Variants in GLB1L3 observed in about 807,000 individuals in gnomAD.
GLB1L3 encodes the protein galactosidase beta 1 like 3.
A neutral mutation model predicts 89.5 loss-of-function variants in GLB1L3; 89 were observed. The observed-to-expected ratio is 0.99, with a 90% CI of 0.84 to 1.19. The LOEUF (loss-of-function observed/expected upper bound fraction) is 1.19. Ranked by LOEUF, GLB1L3 falls within the 50% of genes most tolerant of loss-of-function variation. GLB1L3 has a pLI of 0.00. For synonymous variants in GLB1L3, 314 were observed against 312.3 expected (o/e 1.01, Z -0.06); for missense variants, 812 against 813.3 (o/e 1.00, Z 0.02).
rs926750995 is a variant in GLB1L3 at position 134,300,083 on chromosome 11, A to G, written c.876+6874A>G. Among the ~76,000 whole-genome samples, 5 of 152,174 alleles carry G rather than the reference A, an allele frequency of 3.3e-5. No individual in the cohort carries two copies. The South Asian group carries it at 8.3e-4, about 25-fold the overall frequency. ...GTTACTTTGTTAGGGTTGCCATAGC[A>G]AAGGACCATAGACTGTGTGGCTTAA... On this transcript the variant is annotated intron_variant, in intron 9 of 19. Transcript: ENST00000431683.
At chr11:134,303,506 G>A (rs1942044826) in intron 9 of GLB1L3, among the ~76,000 whole-genome samples, 1 of 152,112 alleles carries the variant, frequency 6.6e-6, no homozygotes, top group Admixed American at 6.5e-5. Context: ...TACAGAGTCT[G>A]ATTTTATCTT....
At chr11:134,295,328 TGTA>T (rs1161355261) in intron 9 of GLB1L3, among the ~76,000 whole-genome samples, 1 of 152,216 alleles carries the variant, frequency 6.6e-6, no homozygotes, top group Non-Finnish European at 1.5e-5. Context: ...TTGGGTGAGT[TGTA>T]GTAATTTACA....
At position 134,312,427 on chromosome 11, in the gene GLB1L3, C is replaced by T. The variant is rs1276099428; in HGVS notation, c.1366C>T (p.Leu456=). The T allele has an allele frequency of 6.2e-7, 1 of 1,613,622 alleles. No homozygotes were observed. Among genetic ancestry groups the T allele is most frequent in the Non-Finnish European group, 8.5e-7 (1 of 1,179,882 alleles). ...GAGCGGCCAGTCCTACGGGCTTGTC[C>T]TGTATGAGAAGTCCATCTGCTCCGG... ...NGSGQSYGLV[L]YEKSICSGGR... The change falls in exon 14 of 20, where the codon CTG becomes TTG. Residue 456 remains leucine, a synonymous_variant. Coordinates refer to ENST00000431683, the MANE Select transcript of GLB1L3 (RefSeq NM_001080407.3).
At chr11:134,309,131 G>A (rs993908306) in intron 10 of GLB1L3, among the ~76,000 whole-genome samples, 3 of 152,130 alleles carry the variant, frequency 2.0e-5, no homozygotes, top group Non-Finnish European at 4.4e-5. Flanking sequence ...AGGAAAATTA[G>A]ATATTTAAGT....
chr11:134,298,041 G>A (rs1941749992), intron 9 of GLB1L3, among the ~76,000 whole-genome samples: 1 of 151,634 alleles, frequency 6.6e-6, no homozygotes, highest in African/African-American at 2.4e-5. Context: ...CATGGTTTCT[G>A]ATGAGAAGTC....
At chr11:134,309,944 A>C (rs1053866703) in intron 11 of GLB1L3, 181 bp downstream of exon 11, 2 of 671,868 alleles carry the variant, frequency 3.0e-6, no homozygotes, top group Admixed American at 5.9e-5. Context: ...ACAGGCTGTC[A>C]TTGCAGTAGA....
At chr11:134,279,359 T>C (rs1940555915) in intron 3 of GLB1L3, among the ~76,000 whole-genome samples, 1 of 133,160 alleles carries the variant, frequency 7.5e-6, no homozygotes, top group African/African-American at 2.9e-5. Context: ...TTCTGTTTTC[T>C]TTTTCTTTTT....
At chr11:134,286,354 G>A (rs988910356) in intron 6 of GLB1L3, among the ~76,000 whole-genome samples, 1 of 152,218 alleles carries the variant, frequency 6.6e-6, no homozygotes, top group African/African-American at 2.4e-5. Flanking sequence ...CCTGTCTTTA[G>A]GATTAAACTC....
intron 10 of GLB1L3, 25 bp from the exon 11 acceptor site, chr11:134,309,601 T>C: frequency 6.5e-7 from 1 of 1,545,196 alleles, no homozygotes; most frequent in East Asian, 2.3e-5. Flanking sequence ...TAACATTCTC[T>C]GTGTTCTCAT....
Position 134,288,897 on chromosome 11 carries a change from G to C in GLB1L3, c.729+7G>C, listed in dbSNP as rs779294635. On this transcript the variant is annotated splice_region_variant and intron_variant, in intron 7 of 19. Coordinates refer to ENST00000431683, the MANE Select transcript of GLB1L3 (RefSeq NM_001080407.3). ...CATGCCGTATCTCCACAAGGTAAGA[G>C]GGCCTTGGTTTGGCCCCATGTTTAC... The C allele has an allele frequency of 1.9e-6, 3 of 1,601,656 alleles. No individual in the cohort carries two copies. The highest frequency in any genetic ancestry group is 2.6e-6 in the Non-Finnish European group (3 of 1,171,594).
Position 134,311,123 on chromosome 11 carries a change from C to A in GLB1L3, c.1240C>A (p.Pro414Thr), listed in dbSNP as rs1442630362. 1 of 1,613,914 alleles carries A rather than the reference C, an allele frequency of 6.2e-7. No individual in the cohort carries two copies. The highest frequency in any genetic ancestry group is 2.2e-5 in the East Asian group (1 of 44,864). ...PPKAVYPPVR[P>T]SLYLPLWDAL... ...CAAGGCTGTGTATCCCCCCGTGAGA[C>A]CGTCGCTGTACCTCCCGCTGTGGGA... Residue 414 changes from proline to threonine, a missense_variant, in exon 13 of 20, where the codon CCG (proline) becomes ACG (threonine). By Grantham distance (38) the Pro-to-Thr change is conservative. Around this residue, in one of 3 missense-constraint regions of GLB1L3, gnomAD observed 618 missense variants for 604.0 expected, o/e 1.02. Transcript: ENST00000431683.
Position 134,277,683 on chromosome 11 carries a change from T to C in GLB1L3, c.150-17T>C. 1.3e-6 allele frequency: 2 copies of C among 1,591,900 alleles called. No homozygotes were observed. Among genetic ancestry groups the C allele is most frequent in the East Asian group, 2.3e-5 (1 of 43,770 alleles). ...TCTCTCCCTTTCCACTTTCTTTCCC[T>C]CGCCCGCCCCCTCCAGGTTTAATTG... On this transcript the variant is annotated splice_polypyrimidine_tract_variant and intron_variant, in intron 2 of 19. Coordinates refer to ENST00000431683, the MANE Select transcript of GLB1L3 (RefSeq NM_001080407.3).
chr11:134,312,230 C>T, intron 13 of GLB1L3, 119 bp from the exon 14 acceptor site: 1 of 1,126,384 alleles, frequency 8.9e-7, no homozygotes, highest in Non-Finnish European at 1.3e-6. Context: ...TCTGTTTCAT[C>T]ATTTCCCATT....
chr11:134,280,825 A>G (rs1196864003), intron 3 of GLB1L3, among the ~76,000 whole-genome samples: 1 of 152,144 alleles, frequency 6.6e-6, no homozygotes, highest in Non-Finnish European at 1.5e-5. Flanking sequence ...ACACTCAAAC[A>G]TGTTGCCAGT....
intron 7 of GLB1L3, among the ~76,000 whole-genome samples, chr11:134,290,579 C>CGT: frequency 8.5e-6 from 1 of 117,140 alleles, no homozygotes; most frequent in Non-Finnish European, 1.7e-5. Context: ...CCCCCCCCGC[C>CGT]AAAAAAAAAG....
Position 134,311,051 on chromosome 11 carries a change from A to G in GLB1L3, c.1181-13A>G. On this transcript the variant is annotated splice_polypyrimidine_tract_variant and intron_variant, in intron 12 of 19. Coordinates refer to ENST00000431683, the MANE Select transcript of GLB1L3 (RefSeq NM_001080407.3). Reference sequence around the variant, plus strand: ...TCAGGCACTTTTTGCCCTGTGCCCCATCTCCATTGCAGCAACTCCCCTGCC... The same window carrying G: ...TCAGGCACTTTTTGCCCTGTGCCCCGTCTCCATTGCAGCAACTCCCCTGCC... 1 of 1,608,036 alleles carries G rather than the reference A, an allele frequency of 6.2e-7. No individual in the cohort carries two copies.
At chr11:134,301,958 T>C (rs1213126712) in intron 9 of GLB1L3, among the ~76,000 whole-genome samples, 1 of 151,744 alleles carries the variant, frequency 6.6e-6, no homozygotes, top group Non-Finnish European at 1.5e-5. Context: ...TTGTAAATTG[T>C]TTTCTTTGAT....
At chr11:134,308,399 CACCAT>C in intron 10 of GLB1L3, among the ~76,000 whole-genome samples, 1 of 62,528 alleles carries the variant, frequency 1.6e-5, no homozygotes, top group African/African-American at 7.2e-5. Context: ...TCACCACCAT[CACCAT>C]CACCACCACC....
intron 3 of GLB1L3, among the ~76,000 whole-genome samples, chr11:134,279,909 A>G (rs1043193291): frequency 6.6e-5 from 10 of 152,046 alleles, no homozygotes; most frequent in African/African-American, 2.4e-4. Context: ...TATTAAATAT[A>G]GTACCTTCTC....
Sources: allele counts gnomAD v4.1 joint callset (sites outside exome capture counted in the v4.1 genomes callset), GRCh38; gene constraint gnomAD v4.1.1; regional missense constraint gnomAD v4.1.1; transcripts MANE v1.5; gene names NCBI Gene and HGNC (gene_info 2026-07-23, HGNC 2026-07-21).